Variants in PPP1R12B observed in about 807,000 individuals in gnomAD.
PPP1R12B encodes the protein protein phosphatase 1 regulatory subunit 12B, also known as myosin phosphatase target subunit 2.
A neutral mutation model predicts 126.1 loss-of-function variants in PPP1R12B; 76 were observed. That is an observed-to-expected ratio of 0.60 (90% confidence interval 0.50 to 0.73). The LOEUF is 0.73. Among genes scored for constraint, PPP1R12B ranks in the 30% least tolerant of loss-of-function variants. PPP1R12B has a pLI of 0.00. For synonymous variants in PPP1R12B, 356 were observed against 434.7 expected, an observed-to-expected ratio of 0.82 and a Z score of 2.25; for missense variants, 1,052 against 1,205.1, an observed-to-expected ratio of 0.87 and a Z score of 1.88.
At chr1:202,437,225 G>A (rs1032325029) in intron 9 of PPP1R12B, among the ~76,000 whole-genome samples, 2 of 152,058 alleles carry the variant, frequency 1.3e-5, no homozygotes, top group African/African-American at 2.4e-5. Context: ...CCAGCTACTC[G>A]GTGGGCTGAG....
rs183671091 is a variant in PPP1R12B at position 202,424,948 on chromosome 1, A to G, written c.542-618A>G. 1.3e-3 allele frequency among the ~76,000 whole-genome samples: 195 copies of G among 152,320 alleles called. 1 individual carries two copies. Among genetic ancestry groups the G allele is most frequent in the Non-Finnish European group, 2.1e-3 (141 of 68,032 alleles). On this transcript the variant is annotated intron_variant, in intron 3 of 23. Coordinates refer to ENST00000608999, the MANE Select transcript of PPP1R12B (RefSeq NM_002481.4). ...TCAGTGTATTTACCTGTATATGGAA[A>G]TGAACTTTAGAGATAGTTCAATTTT...
chr1:202,365,051 C>T (rs1432916712), intron 1 of PPP1R12B, among the ~76,000 whole-genome samples: 1 of 152,186 alleles, frequency 6.6e-6, no homozygotes, highest in Non-Finnish European at 1.5e-5. Flanking sequence ...AGTACAAATA[C>T]CACCCTAACA....
chr1:202,486,135 G>T (rs537356534), intron 13 of PPP1R12B, among the ~76,000 whole-genome samples: 360 of 152,234 alleles, frequency 2.4e-3, no homozygotes, highest in Non-Finnish European at 4.0e-3. Flanking sequence ...ACCCGCCTGG[G>T]CCTCCCAAAG....
chr1:202,525,547 A>G (rs1380987233), intron 18 of PPP1R12B, among the ~76,000 whole-genome samples: 1 of 152,020 alleles, frequency 6.6e-6, no homozygotes, highest in African/African-American at 2.4e-5. Context: ...GCCTGACTGA[A>G]GTAATTTTAA....
intron 18 of PPP1R12B, among the ~76,000 whole-genome samples, chr1:202,528,239 G>A (rs573642092): frequency 1.3e-5 from 2 of 152,266 alleles, no homozygotes; most frequent in Non-Finnish European, 2.9e-5. Context: ...TTATCACCAC[G>A]CAAATTGACC....
intron 18 of PPP1R12B, among the ~76,000 whole-genome samples, chr1:202,543,905 T>A (rs1244388698): frequency 6.6e-6 from 1 of 152,128 alleles, no homozygotes; most frequent in Non-Finnish European, 1.5e-5. Flanking sequence ...AATGAAGTAA[T>A]TTTTTTTACT....
At chr1:202,491,124 T>C (rs981519756) in intron 14 of PPP1R12B, among the ~76,000 whole-genome samples, 5 of 152,156 alleles carry the variant, frequency 3.3e-5, no homozygotes, top group Admixed American at 1.3e-4. Context: ...CCAATATTTT[T>C]GTTGTTGTTG....
chr1:202,556,793 G>C (rs1376983425), intron 18 of PPP1R12B, among the ~76,000 whole-genome samples: 1 of 152,202 alleles, frequency 6.6e-6, no homozygotes, highest in African/African-American at 2.4e-5. Flanking sequence ...CACACAGTGG[G>C]CTGTTAAATA....
At chr1:202,551,752 G>A (rs1278407815) in intron 18 of PPP1R12B, among the ~76,000 whole-genome samples, 7 of 152,140 alleles carry the variant, frequency 4.6e-5, no homozygotes, top group Admixed American at 6.6e-5. Context: ...ATGATGGAAC[G>A]GGAAGCCAGA....
At chr1:202,376,251 G>T (rs1661161924) in intron 1 of PPP1R12B, among the ~76,000 whole-genome samples, 1 of 151,960 alleles carries the variant, frequency 6.6e-6, no homozygotes, top group African/African-American at 2.4e-5. Flanking sequence ...TGGTTGGTTA[G>T]GGCTTAACAG....
chr1:202,391,026 G>A (rs149751127), intron 1 of PPP1R12B, among the ~76,000 whole-genome samples: 17 of 152,248 alleles, frequency 1.1e-4, no homozygotes, highest in Non-Finnish European at 2.2e-4. Flanking sequence ...TCGTGCCACC[G>A]CACTGCAGGC....
chr1:202,519,645 T>C (rs1682554290), intron 18 of PPP1R12B, among the ~76,000 whole-genome samples: 1 of 152,238 alleles, frequency 6.6e-6, no homozygotes. Context: ...CTTTTCTCAT[T>C]GTCTTCCCTA....
intron 13 of PPP1R12B, among the ~76,000 whole-genome samples, chr1:202,466,871 T>G (rs1325568923): frequency 1.3e-5 from 2 of 152,224 alleles, no homozygotes; most frequent in East Asian, 1.9e-4. Context: ...TCTCACTTTT[T>G]TTTTTAGAAA....
intron 1 of PPP1R12B, among the ~76,000 whole-genome samples, chr1:202,398,366 A>G (rs1049137167): frequency 3.3e-5 from 5 of 152,208 alleles, no homozygotes; most frequent in Non-Finnish European, 7.3e-5. Flanking sequence ...AGAAAATGTA[A>G]AGCTCCTACT....
At chr1:202,377,546 C>T (rs1434229297) in intron 1 of PPP1R12B, among the ~76,000 whole-genome samples, 2 of 151,838 alleles carry the variant, frequency 1.3e-5, no homozygotes, top group African/African-American at 4.8e-5. Flanking sequence ...CACCATGATC[C>T]GCCCGCCTCG....
chr1:202,359,790 T>C lies in PPP1R12B; in HGVS notation c.291+10648T>C, dbSNP rs1232032487. Among the ~76,000 whole-genome samples the C allele has an allele frequency of 3.9e-5, 6 of 152,144 alleles. No homozygotes were observed. In the East Asian group the frequency reaches 1.2e-3, roughly 30 times the overall value. On this transcript the variant is annotated intron_variant, in intron 1 of 23. Coordinates refer to ENST00000608999, the MANE Select transcript of PPP1R12B (RefSeq NM_002481.4). ...CTGCACTCCAGCCTGGGTGACAGAGTGAGACTCTGTCTCAAACAAAAACAA... is the reference window on the plus strand; with the variant it reads ...CTGCACTCCAGCCTGGGTGACAGAGCGAGACTCTGTCTCAAACAAAAACAA...
chr1:202,502,281 C>G (rs1049503092), intron 18 of PPP1R12B: 1 of 984,290 alleles, frequency 1.0e-6, no homozygotes, highest in African/African-American at 1.7e-5. Context: ...TGGGGGTATG[C>G]TCGTGGAGAG....
intron 1 of PPP1R12B, among the ~76,000 whole-genome samples, chr1:202,406,693 G>A (rs1211313567): frequency 6.6e-6 from 1 of 152,068 alleles, no homozygotes; most frequent in Non-Finnish European, 1.5e-5. Context: ...TCTAGTTTCC[G>A]TATTCTTTTT....
chr1:202,535,108 A>C (rs1166956474), intron 18 of PPP1R12B, among the ~76,000 whole-genome samples: 1 of 151,876 alleles, frequency 6.6e-6, no homozygotes, highest in African/African-American at 2.4e-5. Flanking sequence ...ACAACTCTGT[A>C]AATAAGCATC....
Sources: allele counts gnomAD v4.1 joint callset (sites outside exome capture counted in the v4.1 genomes callset), GRCh38; gene constraint gnomAD v4.1.1; transcripts MANE v1.5; gene names NCBI Gene and HGNC (gene_info 2026-07-23, HGNC 2026-07-21).